RAPGEF4: variants seen among roughly 807,000 people sequenced by gnomAD.
RAPGEF4 encodes the protein RAP guanine-nucleotide-exchange factor (GEF) 4.
RAPGEF4 carries 66 observed loss-of-function variants against 147.9 expected under a neutral mutation model. The ratio of observed to expected loss-of-function variants is 0.45; its 90% CI spans 0.37 to 0.55. RAPGEF4 has a LOEUF of 0.55. Among genes scored for constraint, RAPGEF4 ranks in the 20% least tolerant of loss-of-function variants. The pLI, the probability that RAPGEF4 is intolerant of heterozygous loss-of-function variation, is 0.00. For synonymous variants in RAPGEF4, 419 were observed against 442.7 expected, an observed-to-expected ratio of 0.95 and a Z score of 0.67; for missense variants, 1,071 against 1,257.3, an observed-to-expected ratio of 0.85 and a Z score of 2.24.
At chr2:172,961,005 G>A in intron 7 of RAPGEF4, 117 bp from the exon 8 acceptor site, 1 of 905,692 alleles carries the variant, frequency 1.1e-6, no homozygotes, top group East Asian at 2.4e-5. Flanking sequence ...AGCACTGAGT[G>A]AGTTATGTTT....
At chr2:173,005,977 G>C (rs912174273) in intron 17 of RAPGEF4, among the ~76,000 whole-genome samples, 6 of 1,978 alleles carry the variant, frequency 3.0e-3, no homozygotes, top group Admixed American at 0.011. Context: ...CTTATTACTC[G>C]GTATTCTAGC....
Position 172,832,740 on chromosome 2 carries a change from C to A in RAPGEF4, c.444+18315C>A, listed in dbSNP as rs553294153. ...GCTTCTTGATGCATGCACATTCTAA[C>A]CAACACTGACTATCTTCAGCTTACT... On this transcript the variant is annotated intron_variant, in intron 4 of 30. Coordinates refer to ENST00000397081, the MANE Select transcript of RAPGEF4 (RefSeq NM_007023.4). 1.2e-3 allele frequency among the ~76,000 whole-genome samples: 186 copies of A among 152,284 alleles called. 1 individual carries two copies. Among genetic ancestry groups the A allele is most frequent in the African/African-American group, 4.2e-3 (173 of 41,554 alleles).
chr2:172,826,706 C>T (rs1235157590), intron 4 of RAPGEF4, among the ~76,000 whole-genome samples: 1 of 152,122 alleles, frequency 6.6e-6, no homozygotes, highest in African/African-American at 2.4e-5. Flanking sequence ...GTGACTCATG[C>T]CTGTAATCCC....
chr2:172,771,028 C>T (rs1392768329), intron 1 of RAPGEF4, among the ~76,000 whole-genome samples: 1 of 151,994 alleles, frequency 6.6e-6, no homozygotes, highest in Non-Finnish European at 1.5e-5. Flanking sequence ...TTAGTCTGTT[C>T]AGGTTGTTAT....
At chr2:172,973,107 C>A (rs199732460) in intron 10 of RAPGEF4, among the ~76,000 whole-genome samples, 3 of 132,588 alleles carry the variant, frequency 2.3e-5, no homozygotes, top group African/African-American at 8.3e-5. Flanking sequence ...CTTTTTTTTT[C>A]TTTTTTTTTT....
intron 10 of RAPGEF4, among the ~76,000 whole-genome samples, chr2:172,981,856 C>A (rs929280385): frequency 6.6e-6 from 1 of 152,214 alleles, no homozygotes; most frequent in African/African-American, 2.4e-5. Context: ...GAGTACTTAT[C>A]TAATAATCAG....
intron 4 of RAPGEF4, among the ~76,000 whole-genome samples, chr2:172,883,773 G>T (rs545438853): frequency 1.3e-5 from 2 of 152,250 alleles, no homozygotes; most frequent in Admixed American, 1.3e-4. Context: ...ATCAACTTGT[G>T]TGGTCCTTGG....
chr2:173,014,656 G>C (rs1331753216), intron 18 of RAPGEF4, 42 bp downstream of exon 18: 5 of 1,584,338 alleles, frequency 3.2e-6, no homozygotes, highest in Non-Finnish European at 4.3e-6. Context: ...CTGTTGTCCT[G>C]CAATACAGGG....
chr2:173,045,893 G>C (rs557559011), intron 29 of RAPGEF4, among the ~76,000 whole-genome samples: 1 of 152,212 alleles, frequency 6.6e-6, no homozygotes, highest in Non-Finnish European at 1.5e-5. Context: ...CAACTCAGGA[G>C]AGTGCCTTGT....
intron 3 of RAPGEF4, among the ~76,000 whole-genome samples, chr2:172,798,310 A>T (rs936572532): frequency 6.8e-4 from 103 of 152,248 alleles, no homozygotes; most frequent in African/African-American, 2.4e-3. Context: ...GAAAAAATAT[A>T]TAAATATTTA....
At chr2:172,771,721 A>T (rs13418715) in intron 1 of RAPGEF4, among the ~76,000 whole-genome samples, 1 of 152,194 alleles carries the variant, frequency 6.6e-6, no homozygotes, top group South Asian at 2.1e-4. Flanking sequence ...CTAGTATTAC[A>T]GATGTACACC....
intron 4 of RAPGEF4, among the ~76,000 whole-genome samples, chr2:172,894,603 G>A (rs1356940409): frequency 6.6e-6 from 1 of 152,204 alleles, no homozygotes; most frequent in Non-Finnish European, 1.5e-5. Context: ...TCTGACCAGA[G>A]AAGTAGGAAA....
chr2:172,938,908 C>A (rs527575915), intron 6 of RAPGEF4, among the ~76,000 whole-genome samples: 8 of 152,326 alleles, frequency 5.3e-5, no homozygotes, highest in African/African-American at 1.9e-4. Context: ...CCTTTTCCAA[C>A]CTGTCATATA....
intron 1 of RAPGEF4, among the ~76,000 whole-genome samples, chr2:172,791,441 G>T (rs1685816716): frequency 1.3e-5 from 2 of 152,188 alleles, no homozygotes. Flanking sequence ...CTCTAGAGAG[G>T]TGAGAATATA....
chr2:172,859,566 T>C (rs895665883), intron 4 of RAPGEF4, among the ~76,000 whole-genome samples: 1 of 152,242 alleles, frequency 6.6e-6, no homozygotes, highest in Non-Finnish European at 1.5e-5. Flanking sequence ...CATTTTATTC[T>C]TTGTATGGAA....
intron 28 of RAPGEF4, 104 bp from the exon 29 acceptor site, chr2:173,036,524 T>C: frequency 2.2e-6 from 2 of 894,298 alleles, no homozygotes; most frequent in Non-Finnish European, 3.5e-6. Context: ...TTTTCAACTG[T>C]AGTGTTATGC....
chr2:173,040,216 C>T (rs1038135224), intron 29 of RAPGEF4, among the ~76,000 whole-genome samples: 1 of 151,948 alleles, frequency 6.6e-6, no homozygotes, highest in Non-Finnish European at 1.5e-5. Context: ...ATTGTCCTTC[C>T]ACAAGTTAGA....
intron 4 of RAPGEF4, among the ~76,000 whole-genome samples, 173 bp from the exon 5 acceptor site, chr2:172,917,629 A>G (rs1684212863): frequency 1.3e-5 from 2 of 152,342 alleles, no homozygotes; most frequent in African/African-American, 4.8e-5. Flanking sequence ...CCTGTTTAGA[A>G]CACAACATCT....
At chr2:172,857,172 GCGCACA>G (rs1243622963) in intron 4 of RAPGEF4, among the ~76,000 whole-genome samples, 4 of 121,740 alleles carry the variant, frequency 3.3e-5, no homozygotes, top group African/African-American at 1.1e-4. Context: ...GCGTGTGCGC[GCGCACA>G]CACACACACA....
Sources: allele counts gnomAD v4.1 joint callset (sites outside exome capture counted in the v4.1 genomes callset), GRCh38; gene constraint gnomAD v4.1.1; transcripts MANE v1.5; gene names NCBI Gene and HGNC (gene_info 2026-07-23, HGNC 2026-07-21).